The following C5 variants were observed in gnomAD, a reference collection of about 807,000 sequenced individuals.
The protein encoded by C5 is C3 and PZP-like alpha-2-macroglobulin domain-containing protein 4.
In C5, 140 loss-of-function variants were observed where a neutral mutation model predicts 218.8. That is an observed-to-expected ratio of 0.64 (90% CI 0.56 to 0.74). C5 has a LOEUF of 0.74. Among genes scored for constraint, C5 ranks in the 30% least tolerant of loss-of-function variants. C5 has a pLI of 0.00. For synonymous variants in C5, 614 were observed against 682.3 expected, an observed-to-expected ratio of 0.90 and a Z score of 1.56; for missense variants, 1,700 against 1,969.6, an observed-to-expected ratio of 0.86 and a Z score of 2.59.
At position 121,036,882 on chromosome 9, in the gene C5, G is replaced by GT. The variant is rs199841708; in HGVS notation, c.492+998dup. On this transcript the variant is annotated intron_variant, in intron 4 of 40. Transcript: ENST00000223642. ...GATAAGTTTTTATTTTTATTTTTTG[G>GT]TTTTTTTTTTGAGTAGCAGCAAAAG... Among the ~76,000 whole-genome samples the GT allele has an allele frequency of 8.8e-3, 1,299 of 147,612 alleles. 10 individuals are homozygous for GT. Among genetic ancestry groups the GT allele is most frequent in the East Asian group, 0.031 (158 of 5,100 alleles).
chr9:121,053,551 TTCATAA>T (rs553112861), upstream of C5, among the ~76,000 whole-genome samples: 15 of 152,118 alleles, frequency 9.9e-5, no homozygotes, highest in South Asian at 3.1e-3. Context: ...AGACAGCACC[TTCATAA>T]AAGCCATAAA....
At chr9:121,020,435 G>A (rs1190377750) in intron 11 of C5, among the ~76,000 whole-genome samples, 1 of 152,160 alleles carries the variant, frequency 6.6e-6, no homozygotes, top group Non-Finnish European at 1.5e-5. Flanking sequence ...AGATGCTCCA[G>A]GAATAATTAT....
chr9:121,052,776 C>T (rs1388992287), upstream of C5, among the ~76,000 whole-genome samples: 2 of 152,110 alleles, frequency 1.3e-5, no homozygotes, highest in African/African-American at 4.8e-5. Flanking sequence ...CCAAGGTGCT[C>T]CTAGCAGGAT....
intron 1 of C5, 39 bp downstream of exon 1, chr9:121,050,143 A>C: frequency 6.9e-7 from 1 of 1,442,236 alleles, no homozygotes; most frequent in Non-Finnish European, 9.8e-7. Context: ...CGTCATAACT[A>C]AGATGCATTG....
chr9:120,982,307 G>A (rs2047000680), intron 26 of C5, among the ~76,000 whole-genome samples: 1 of 151,918 alleles, frequency 6.6e-6, no homozygotes, highest in Non-Finnish European at 1.5e-5. Flanking sequence ...ACCGCACCTG[G>A]CCTCTACTCT....
chr9:121,013,837 A>AT, intron 17 of C5, 36 bp downstream of exon 17: 1 of 1,562,056 alleles, frequency 6.4e-7, no homozygotes, highest in African/African-American at 1.4e-5. Flanking sequence ...AATTCCCCAT[A>AT]TTGAGCAGAA....
At chr9:121,060,271 A>AAGTCGTGC in the C5 span, among the ~76,000 whole-genome samples, 3 of 152,206 alleles carry the variant, frequency 2.0e-5, no homozygotes, top group African/African-American at 7.2e-5. Flanking sequence ...GAAAGCTGGA[A>AAGTCGTGC]TAATTCGTGC....
intron 25 of C5, among the ~76,000 whole-genome samples, chr9:120,986,770 T>A (rs1194458614): frequency 2.0e-5 from 3 of 151,608 alleles, no homozygotes; most frequent in East Asian, 1.9e-4. Context: ...TTTATTTTTT[T>A]ATATTTTTAT....
At chr9:120,993,711 C>G (rs146107618) in intron 22 of C5, among the ~76,000 whole-genome samples, 3 of 152,168 alleles carry the variant, frequency 2.0e-5, no homozygotes, top group African/African-American at 4.8e-5. Context: ...CGTGAGCCAC[C>G]GCGCCTGGCC....
chr9:120,971,947 C>G lies in C5; in HGVS notation c.4063G>C (p.Gly1355Arg). ...DLIVSTGFGS[G>R]LATVHVTTVV... ...ATACTTACATGTACTGTAGCCAAGC[C>G]ACTGCCAAATCCTGTACTGACAATG... The change falls in exon 31 of 41, where the codon GGC (glycine) becomes CGC (arginine). Residue 1355 changes from glycine (G) to arginine (R), a missense_variant. Coordinates refer to ENST00000223642, the MANE Select transcript of C5 (RefSeq NM_001735.3). 1 of 1,613,046 alleles carries G rather than the reference C, an allele frequency of 6.2e-7. No homozygotes were observed. The highest frequency in any genetic ancestry group is 1.3e-5 in the African/African-American group (1 of 75,014).
chr9:120,994,184 T>C (rs2047098936), intron 22 of C5, among the ~76,000 whole-genome samples: 1 of 152,244 alleles, frequency 6.6e-6, no homozygotes, highest in African/African-American at 2.4e-5. Context: ...TTTTTCAGAT[T>C]TCCTTTAACA....
chr9:120,978,760 AAC>A (rs1205855825), intron 28 of C5, among the ~76,000 whole-genome samples: 1 of 152,144 alleles, frequency 6.6e-6, no homozygotes, highest in African/African-American at 2.4e-5. Context: ...TTCAAAACCA[AAC>A]ACATACTTTT....
intron 40 of C5, among the ~76,000 whole-genome samples, 188 bp downstream of exon 40, chr9:120,953,542 A>C (rs1392638646): frequency 6.6e-6 from 1 of 152,172 alleles, no homozygotes; most frequent in Admixed American, 6.5e-5. Context: ...TCAGATGGTT[A>C]ATCAGGCAGC....
chr9:121,000,090 T>C, intron 20 of C5: 1 of 257,902 alleles, frequency 3.9e-6, no homozygotes, highest in Non-Finnish European at 7.7e-6. Flanking sequence ...AAGTTATATA[T>C]AATTGTGTTA....
At chr9:121,053,530 C>CTA (rs1418561836), upstream of C5, among the ~76,000 whole-genome samples, 2 of 152,094 alleles carry the variant, frequency 1.3e-5, no homozygotes. Context: ...AATAGAACAA[C>CTA]TATCCACGCA....
intron 1 of C5, 91 bp from the exon 2 acceptor site, chr9:121,046,474 T>A: frequency 1.2e-6 from 1 of 852,878 alleles, no homozygotes; most frequent in South Asian, 1.4e-5. Context: ...AGAGATTCCA[T>A]TTAAAATACA....
intron 36 of C5, 84 bp downstream of exon 36, chr9:120,962,587 T>C (rs1300586377): frequency 8.4e-6 from 9 of 1,076,288 alleles, no homozygotes; most frequent in Non-Finnish European, 1.0e-5. Context: ...TACATAAAAT[T>C]TACAGGACTC....
At chr9:121,055,549 T>C in the C5 span, among the ~76,000 whole-genome samples, 8 of 152,068 alleles carry the variant, frequency 5.3e-5, no homozygotes, top group Non-Finnish European at 1.2e-4. Context: ...TTAGCCACAA[T>C]ACGATAAAAC....
At chr9:121,031,038 G>C (rs1015664795) in intron 6 of C5, among the ~76,000 whole-genome samples, 27 of 152,098 alleles carry the variant, frequency 1.8e-4, no homozygotes, top group African/African-American at 5.6e-4. Flanking sequence ...CAGAGAGCCT[G>C]TAATCTTTAA....
Sources: gnomAD v4.1 joint callset for allele counts (sites outside exome capture counted in the v4.1 genomes callset) on GRCh38, gnomAD v4.1.1 for gene constraint, MANE v1.5 for transcripts, NCBI Gene and HGNC (gene_info 2026-07-23, HGNC 2026-07-21) for gene names.